AGO1: variants seen among roughly 807,000 people sequenced by gnomAD.
The protein encoded by AGO1 is protein argonaute-1.
In AGO1, 11 loss-of-function variants were observed where a neutral mutation model predicts 109.2. The observed-to-expected ratio is 0.10, with a 90% confidence interval of 0.06 to 0.17. AGO1 has a LOEUF of 0.17. Among genes scored for constraint, AGO1 ranks in the 10% least tolerant of loss-of-function variants. The probability of loss-of-function intolerance (pLI) is 1.00; values close to 1 mark genes in which losing one functional copy is unlikely to be tolerated. For synonymous variants in AGO1, 422 were observed against 418.6 expected (o/e 1.01, Z -0.10); for missense variants, 574 against 1,140.3 (o/e 0.50, Z 7.15).
chr1:35,879,734 CA>C (rs71034705), upstream of AGO1, among the ~76,000 whole-genome samples: 7 of 57,496 alleles, frequency 1.2e-4, no homozygotes, highest in South Asian at 2.5e-3. Context: ...GGTTCTGTCT[CA>C]AAAAAAAAAA....
intron 7 of AGO1, among the ~76,000 whole-genome samples, chr1:35,894,704 C>G (rs1366458398): frequency 2.0e-5 from 3 of 152,188 alleles, no homozygotes; most frequent in African/African-American, 7.2e-5. Context: ...TCAAATTATT[C>G]TTTCTCTTGA....
intron 1 of AGO1, among the ~76,000 whole-genome samples, chr1:35,887,550 C>T (rs372336135): frequency 6.6e-6 from 1 of 152,296 alleles, no homozygotes; most frequent in East Asian, 1.9e-4. Flanking sequence ...GTGGAAGGAT[C>T]TGTGGGGCAT....
At position 35,888,420 on chromosome 1, in the gene AGO1, C is replaced by T; in HGVS notation, c.26-7C>T. ...ACTTTACCCTCACCAGCCTCTTTGT[C>T]TTGTAGCTGCGGGCGCTTACCTGCC... On this transcript the variant is annotated splice_region_variant and splice_polypyrimidine_tract_variant and intron_variant, in intron 1 of 18. Transcript: ENST00000373204. The surrounding 1 kb of genome is among the most constrained non-coding windows in gnomAD (Gnocchi z 4.1). 1 of 1,613,668 alleles carries T rather than the reference C, an allele frequency of 6.2e-7. No individual in the cohort carries two copies. Among genetic ancestry groups the T allele is most frequent in the Non-Finnish European group, 8.5e-7 (1 of 1,179,746 alleles).
upstream of AGO1, among the ~76,000 whole-genome samples, chr1:35,879,062 T>C (rs1207140649): frequency 1.3e-5 from 2 of 152,152 alleles, no homozygotes; most frequent in African/African-American, 2.4e-5. Context: ...AGCTATGGAC[T>C]GAGATGCAAG....
At chr1:35,878,705 T>C (rs918150663), upstream of AGO1, among the ~76,000 whole-genome samples, 7 of 152,232 alleles carry the variant, frequency 4.6e-5, no homozygotes, top group African/African-American at 7.2e-5. Flanking sequence ...TTGGTTCTTA[T>C]AGATTTTCTC....
chr1:35,879,477 G>A (rs34320919), upstream of AGO1, among the ~76,000 whole-genome samples: 115 of 150,390 alleles, frequency 7.6e-4, 2 homozygotes, highest in Admixed American at 6.4e-3. Context: ...GTAAAATGCA[G>A]CTGGGCGCAG....
In AGO1 at chr1:35,918,987, T is replaced by C. The variant is rs1002304595; in HGVS notation, c.2266-68T>C. 20 of 1,384,494 alleles carry C rather than the reference T, an allele frequency of 1.4e-5. No homozygotes were observed. The African/African-American group carries it at 2.7e-4, about 19-fold the overall frequency. 85.8% of individuals were successfully genotyped at this position (1,384,494 alleles called of 1,614,324 possible). On this transcript the variant is annotated intron_variant, in intron 17 of 18. Transcript: ENST00000373204. The stretch of plus-strand genomic sequence containing the variant: ...TACCCAGCCATATTCTTAACAGTGA[T>C]CCTGTTCCCCTATTATCAGCCATCT...
intron 7 of AGO1, 25 bp from the exon 8 acceptor site, chr1:35,895,097 C>G (rs764408024): frequency 6.3e-7 from 1 of 1,591,976 alleles, no homozygotes; most frequent in Non-Finnish European, 8.6e-7. Flanking sequence ...TTATGACACC[C>G]CCTTCCTTCC....
chr1:35,873,922 AT>A (rs1316856091), intron 1 of AGO1, among the ~76,000 whole-genome samples: 1 of 152,176 alleles, frequency 6.6e-6, no homozygotes, highest in Non-Finnish European at 1.5e-5. Flanking sequence ...GTTTTTACAA[AT>A]TGAAGGTTTT....
rs1348537362 is a variant in AGO1 at position 35,883,936 on chromosome 1, A to T, written c.25+490A>T. 6.6e-6 allele frequency among the ~76,000 whole-genome samples: 1 copy of T among 152,200 alleles called. No homozygotes were observed. The highest frequency in any genetic ancestry group is 1.5e-5 in the Non-Finnish European group (1 of 68,020). ...TGGGCCTGACGCGAGGGCGAGGGTC[A>T]GGGGGCGGTGGGTGGGGACCCAGTC... is the stretch of plus-strand genomic sequence containing the variant. On this transcript the variant is annotated intron_variant, in intron 1 of 18. Coordinates refer to ENST00000373204, the MANE Select transcript of AGO1 (RefSeq NM_012199.5). The surrounding 1 kb of genome is among the most constrained non-coding windows in gnomAD (Gnocchi z 5.4).
Position 35,893,540 on chromosome 1 carries a change from A to C in AGO1, c.513-134A>C. ...GAAACTTGTACAAGGTCAGTCATAC[A>C]ACTAGTAAAGCATCAGAGCTGGCAT... On this transcript the variant is annotated intron_variant, in intron 4 of 18. Coordinates refer to ENST00000373204, the MANE Select transcript of AGO1 (RefSeq NM_012199.5). The surrounding 1 kb of genome is among the most constrained non-coding windows in gnomAD (Gnocchi z 5.6). 5 of 988,930 alleles carry C rather than the reference A, an allele frequency of 5.1e-6. No individual in the cohort carries two copies. Among genetic ancestry groups the C allele is most frequent in the Non-Finnish European group, 7.3e-6 (5 of 689,446 alleles). 61.3% of individuals were successfully genotyped at this position (988,930 alleles called of 1,614,324 possible). A position where few individuals can be genotyped will look rare whatever the true frequency, so the allele number is the denominator to read the frequency against.
In AGO1 at chr1:35,919,618, C is replaced by T. The variant is rs1645796066; in HGVS notation, c.*11C>T. On this transcript the variant is annotated 3_prime_UTR_variant, in exon 19 of 19. Coordinates refer to ENST00000373204, the MANE Select transcript of AGO1 (RefSeq NM_012199.5). The surrounding 1 kb of genome is among the most constrained non-coding windows in gnomAD (Gnocchi z 6.6). ...ATGTACTTCGCTTGAAGGCAGAACG[C>T]TGTTACCTCACTGGATAGAAGAAAG... 2 of 1,610,012 alleles carry T rather than the reference C, an allele frequency of 1.2e-6. No homozygotes were observed. Among genetic ancestry groups the T allele is most frequent in the Non-Finnish European group, 1.7e-6 (2 of 1,177,164 alleles).
rs747745215 is a variant in AGO1, at chr1:35,919,519, C to T, written c.2486C>T (p.Ser829Leu). The T allele has an allele frequency of 3.7e-6, 6 of 1,613,836 alleles. No homozygotes were observed. Among genetic ancestry groups the T allele is most frequent in the Non-Finnish European group, 5.1e-6 (6 of 1,179,868 alleles). Residue 829 changes from serine to leucine, a missense_variant, in exon 19 of 19, where the codon TCG becomes TTG. Around this residue, in one of 8 missense-constraint regions of AGO1, gnomAD observed 33 missense variants for 44.2 expected, o/e 0.75. Transcript: ENST00000373204. This position sits in a 1 kb window ranked among gnomAD's most constrained non-coding sequence, Gnocchi z 6.6. ...TTCAGTGGAGAGGGGAGCCACATATCGGGGCAGAGCAATGGGCGGGACCCC... is the reference window on the plus strand; with the variant it reads ...TTCAGTGGAGAGGGGAGCCACATATTGGGGCAGAGCAATGGGCGGGACCCC... ...EHDSGEGSHISGQSNGRDPQA... is the reference protein window; with the variant it reads ...EHDSGEGSHILGQSNGRDPQA...
intron 15 of AGO1, among the ~76,000 whole-genome samples, chr1:35,917,056 A>G (rs1645748123): frequency 6.6e-6 from 1 of 152,226 alleles, no homozygotes; most frequent in Non-Finnish European, 1.5e-5. Flanking sequence ...GCCACAGGCA[A>G]CTATTGCCTA....
chr1:35,875,197 C>T (rs2148703397), intron 1 of AGO1, among the ~76,000 whole-genome samples: 2 of 152,282 alleles, frequency 1.3e-5, no homozygotes, highest in South Asian at 4.1e-4. Flanking sequence ...AGAGAGAAAT[C>T]AATGCCTGGC....
intron 11 of AGO1, among the ~76,000 whole-genome samples, chr1:35,903,464 G>T (rs1003376026): frequency 6.6e-6 from 1 of 152,092 alleles, no homozygotes; most frequent in African/African-American, 2.4e-5. Flanking sequence ...TGCACTCTAG[G>T]GATGAGGAGG....
chr1:35,874,318 C>G (rs186171244), intron 1 of AGO1, among the ~76,000 whole-genome samples: 1 of 152,198 alleles, frequency 6.6e-6, no homozygotes, highest in African/African-American at 2.4e-5. Flanking sequence ...CAGGCATGCA[C>G]CACCATGCCT....
chr1:35,882,391 A>G (rs140611696), upstream of AGO1, among the ~76,000 whole-genome samples: 280 of 152,292 alleles, frequency 1.8e-3, 10 homozygotes, highest in East Asian at 0.046. This position sits in a 1 kb window ranked among gnomAD's most constrained non-coding sequence, Gnocchi z 5.1. Context: ...AGAAAGACTG[A>G]AAAGGACTTA....
upstream of AGO1, among the ~76,000 whole-genome samples, chr1:35,878,565 T>C (rs1364097744): frequency 1.3e-5 from 2 of 152,162 alleles, no homozygotes; most frequent in African/African-American, 4.8e-5. Flanking sequence ...TGGGTAGGGA[T>C]ACCTGATGCT....
Sources: allele counts gnomAD v4.1 joint callset (sites outside exome capture counted in the v4.1 genomes callset), GRCh38; gene constraint gnomAD v4.1.1; regional missense constraint gnomAD v4.1.1; non-coding constraint Gnocchi (gnomAD v3.1); transcripts MANE v1.5; gene names NCBI Gene and HGNC (gene_info 2026-07-23, HGNC 2026-07-21).